PABPC4L: variants seen among roughly 807,000 people sequenced by gnomAD.
The protein encoded by PABPC4L is poly(A) binding protein cytoplasmic 4 like.
For missense variants in PABPC4L, 452 were observed against 451.4 expected (o/e 1.00, Z -0.01); for synonymous variants, 169 against 164.1 (o/e 1.03, Z -0.23).
the PABPC4L span, among the ~76,000 whole-genome samples, chr4:134,057,208 T>C: frequency 2.0e-5 from 3 of 152,110 alleles, 1 homozygote; most frequent in Non-Finnish European, 4.4e-5. Flanking sequence ...ACTAATGTTA[T>C]ATCTTCTGTT....
the PABPC4L span, among the ~76,000 whole-genome samples, chr4:134,174,089 AT>A: frequency 2.0e-5 from 3 of 151,016 alleles, no homozygotes; most frequent in East Asian, 1.9e-4. Flanking sequence ...TTACTATTTA[AT>A]TTTTTTTTGT....
the PABPC4L span, among the ~76,000 whole-genome samples, chr4:134,030,909 C>T: frequency 6.6e-6 from 1 of 151,966 alleles, no homozygotes; most frequent in Non-Finnish European, 1.5e-5. Flanking sequence ...TCTGAAGCAG[C>T]CAACAGAGTC....
chr4:133,976,947 G>A, the PABPC4L span, among the ~76,000 whole-genome samples: 18 of 151,970 alleles, frequency 1.2e-4, no homozygotes, highest in South Asian at 1.7e-3. Flanking sequence ...TTTTGCTTTC[G>A]TTAGAATTGC....
chr4:134,066,878 A>G, the PABPC4L span, among the ~76,000 whole-genome samples: 9 of 152,306 alleles, frequency 5.9e-5, no homozygotes, highest in African/African-American at 2.2e-4. Context: ...CTTGCATCCC[A>G]GAAATAAAGC....
chr4:133,988,226 C>A, the PABPC4L span, among the ~76,000 whole-genome samples: 2 of 152,272 alleles, frequency 1.3e-5, no homozygotes, highest in East Asian at 3.9e-4. Flanking sequence ...TTTCAAAACA[C>A]AATCATGCCT....
chr4:133,987,029 C>T, the PABPC4L span, among the ~76,000 whole-genome samples: 1 of 152,180 alleles, frequency 6.6e-6, no homozygotes, highest in Non-Finnish European at 1.5e-5. Flanking sequence ...AACCACCGCA[C>T]CTGGCTGAGA....
chr4:133,994,730 C>T, the PABPC4L span, among the ~76,000 whole-genome samples: 1 of 152,138 alleles, frequency 6.6e-6, no homozygotes, highest in Non-Finnish European at 1.5e-5. Context: ...TTTCCCGTTT[C>T]CTTTCCCTGG....
the PABPC4L span, among the ~76,000 whole-genome samples, chr4:134,072,660 C>G: frequency 1.3e-5 from 2 of 152,112 alleles, no homozygotes; most frequent in Non-Finnish European, 2.9e-5. Flanking sequence ...CATTCTTACA[C>G]TGGACTTGGG....
chr4:134,038,421 G>A, the PABPC4L span, among the ~76,000 whole-genome samples: 1 of 152,090 alleles, frequency 6.6e-6, no homozygotes, highest in Non-Finnish European at 1.5e-5. Flanking sequence ...TTGTACCTCT[G>A]GTAGAATTTG....
At chr4:133,999,733 T>C in the PABPC4L span, among the ~76,000 whole-genome samples, 14 of 152,154 alleles carry the variant, frequency 9.2e-5, 1 homozygote, top group Non-Finnish European at 1.6e-4. Context: ...GTTCTTACTA[T>C]GTTTCATTAA....
At chr4:133,997,237 C>A in the PABPC4L span, among the ~76,000 whole-genome samples, 3 of 152,022 alleles carry the variant, frequency 2.0e-5, no homozygotes, top group African/African-American at 7.2e-5. Flanking sequence ...AAATCAAAAG[C>A]CAGAAATGAT....
At chr4:134,099,228 C>T in the PABPC4L span, among the ~76,000 whole-genome samples, 1 of 151,658 alleles carries the variant, frequency 6.6e-6, no homozygotes, top group East Asian at 1.9e-4. Context: ...GGAATTCACT[C>T]ATCTTTTATT....
the PABPC4L span, among the ~76,000 whole-genome samples, chr4:134,020,163 T>C: frequency 1.3e-5 from 2 of 151,978 alleles, no homozygotes; most frequent in African/African-American, 2.4e-5. Context: ...TCAGGGTGAG[T>C]CCGCAGTGCA....
chr4:133,965,857 A>G, the PABPC4L span, among the ~76,000 whole-genome samples: 1 of 152,200 alleles, frequency 6.6e-6, no homozygotes, highest in Non-Finnish European at 1.5e-5. Context: ...ACTTGAAACC[A>G]TAAAAATTCT....
the PABPC4L span, among the ~76,000 whole-genome samples, chr4:134,161,837 A>G: frequency 6.6e-6 from 1 of 152,112 alleles, no homozygotes; most frequent in Admixed American, 6.6e-5. Flanking sequence ...CAAAAGACAA[A>G]CCCATTAAAA....
At chr4:134,026,260 A>G in the PABPC4L span, among the ~76,000 whole-genome samples, 3 of 151,628 alleles carry the variant, frequency 2.0e-5, no homozygotes, top group African/African-American at 7.3e-5. Context: ...TTTTTTAGAC[A>G]AACTCTGGCT....
downstream of PABPC4L, among the ~76,000 whole-genome samples, chr4:134,195,109 A>C (rs1460173707): frequency 6.6e-6 from 1 of 151,776 alleles, no homozygotes; most frequent in Non-Finnish European, 1.5e-5. Flanking sequence ...GTGGTGAATA[A>C]TACTAGGCTT....
chr4:134,127,100 CT>C, the PABPC4L span, among the ~76,000 whole-genome samples: 1 of 152,022 alleles, frequency 6.6e-6, no homozygotes, highest in African/African-American at 2.4e-5. Context: ...AACCACACCC[CT>C]ATCCCACCCA....
the PABPC4L span, among the ~76,000 whole-genome samples, chr4:134,031,494 C>T: frequency 6.6e-6 from 1 of 151,930 alleles, no homozygotes; most frequent in African/African-American, 2.4e-5. Flanking sequence ...TTCTTTGAGA[C>T]TCTTGTGGCT....
Sources: gnomAD v4.1 joint callset for allele counts (sites outside exome capture counted in the v4.1 genomes callset) on GRCh38, gnomAD v4.1.1 for gene constraint, MANE v1.5 for transcripts, NCBI Gene and HGNC (gene_info 2026-07-23, HGNC 2026-07-21) for gene names.